The following LMTK2 variants were observed in gnomAD, a reference collection of about 807,000 sequenced individuals.
LMTK2 encodes serine/threonine-protein kinase LMTK2.
A neutral mutation model predicts 127.5 loss-of-function variants in LMTK2; 37 were observed. The observed-to-expected ratio is 0.29, with a 90% CI of 0.22 to 0.38. The LOEUF is 0.38. Ranked by LOEUF, LMTK2 falls within the 10% of genes least tolerant of loss-of-function variation. The pLI is 1.00. For synonymous variants in LMTK2, 819 were observed against 810.1 expected, an observed-to-expected ratio of 1.01 and a Z score of -0.19; for missense variants, 1,694 against 1,920.3, an observed-to-expected ratio of 0.88 and a Z score of 2.20.
Position 98,205,734 on chromosome 7 carries a change from G to C in LMTK2, c.*242G>C. 2 of 577,314 alleles carry C rather than the reference G, an allele frequency of 3.5e-6. No individual in the cohort carries two copies. Among genetic ancestry groups the C allele is most frequent in the Non-Finnish European group, 6.2e-6 (2 of 321,776 alleles). 35.8% of individuals were successfully genotyped at this position (577,314 alleles called of 1,614,324 possible). ...CTCAGTGCCCCGTGCACCCGCGGCCGCGGCCTCCCAGGCAGTGCTCATGCG... is the reference window on the plus strand; with the variant it reads ...CTCAGTGCCCCGTGCACCCGCGGCCCCGGCCTCCCAGGCAGTGCTCATGCG... On this transcript the variant is annotated 3_prime_UTR_variant, in exon 14 of 14. Coordinates refer to ENST00000297293, the MANE Select transcript of LMTK2 (RefSeq NM_014916.4).
intron 1 of LMTK2, among the ~76,000 whole-genome samples, chr7:98,130,092 C>G (rs2116346224): frequency 6.6e-6 from 1 of 152,090 alleles, no homozygotes; most frequent in East Asian, 1.9e-4. Flanking sequence ...GTTAGCGTCT[C>G]TGGGTGGTGG....
intron 13 of LMTK2, among the ~76,000 whole-genome samples, chr7:98,204,660 G>T (rs1007328237): frequency 1.3e-5 from 2 of 152,220 alleles, no homozygotes; most frequent in African/African-American, 2.4e-5. Context: ...AGCATCCTGA[G>T]TGTGCTCTCG....
intron 7 of LMTK2, among the ~76,000 whole-genome samples, chr7:98,180,353 C>T (rs1797337249): frequency 6.6e-6 from 1 of 152,166 alleles, no homozygotes; most frequent in African/African-American, 2.4e-5. Context: ...CTTCAGTTTA[C>T]AACTTAAAAC....
chr7:98,202,224 A>G (rs1043233246), intron 11 of LMTK2, among the ~76,000 whole-genome samples: 11 of 152,002 alleles, frequency 7.2e-5, no homozygotes, highest in African/African-American at 2.7e-4. Context: ...GAGCCCATCC[A>G]TTGAATTGCT....
chr7:98,205,737 GCCTCCC>G lies in LMTK2; in HGVS notation c.*246_*251del. On this transcript the variant is annotated 3_prime_UTR_variant, in exon 14 of 14. Coordinates refer to ENST00000297293, the MANE Select transcript of LMTK2 (RefSeq NM_014916.4). ...AGTGCCCCGTGCACCCGCGGCCGCG[GCCTCCC>G]AGGCAGTGCTCATGCGCTGGCCGTC... The G allele has an allele frequency of 1.7e-6, 1 of 575,122 alleles. No homozygotes were observed. The highest frequency in any genetic ancestry group is 3.1e-6 in the Non-Finnish European group (1 of 320,198). 35.6% of individuals were successfully genotyped at this position (575,122 alleles called of 1,614,324 possible).
chr7:98,171,680 T>C lies in LMTK2; in HGVS notation c.791+6T>C. ...AAGCTGCACTTCCTGCACAGGTGGG[T>C]ACCTGCGTCAGCGGTGCACGCCCCA... On this transcript the variant is annotated splice_donor_region_variant and intron_variant, in intron 7 of 13. Coordinates refer to ENST00000297293, the MANE Select transcript of LMTK2 (RefSeq NM_014916.4). This position sits in a 1 kb window ranked among gnomAD's most constrained non-coding sequence, Gnocchi z 5.1. The C allele has an allele frequency of 6.4e-7, 1 of 1,572,892 alleles. No homozygotes were observed.
chr7:98,114,864 A>G (rs1053696857), intron 1 of LMTK2, among the ~76,000 whole-genome samples: 1 of 151,704 alleles, frequency 6.6e-6, no homozygotes, highest in Admixed American at 6.6e-5. Flanking sequence ...TTTTTTTTAA[A>G]ACCTCTTTGC....
chr7:98,156,596 C>T (rs748494920), intron 5 of LMTK2, among the ~76,000 whole-genome samples: 20 of 152,104 alleles, frequency 1.3e-4, no homozygotes, highest in Non-Finnish European at 2.5e-4. Flanking sequence ...AATAGCTTGG[C>T]AGTTTCTTAA....
At chr7:98,162,110 G>A (rs113102786) in intron 6 of LMTK2, among the ~76,000 whole-genome samples, 4 of 152,108 alleles carry the variant, frequency 2.6e-5, no homozygotes, top group Non-Finnish European at 5.9e-5. Context: ...TGTCCACTCC[G>A]CTTCATGTTT....
chr7:98,152,926 A>G (rs1248268861), intron 4 of LMTK2, among the ~76,000 whole-genome samples: 1 of 152,188 alleles, frequency 6.6e-6, no homozygotes, highest in African/African-American at 2.4e-5. Flanking sequence ...AGACGAGAGC[A>G]TGCGGGTGTA....
At position 98,151,465 on chromosome 7, in the gene LMTK2, T is replaced by C. The variant is rs1246480779; in HGVS notation, c.450+10T>C. On this transcript the variant is annotated intron_variant, in intron 4 of 13. Coordinates refer to ENST00000297293, the MANE Select transcript of LMTK2 (RefSeq NM_014916.4). ...TGGCTGGTTTGGAAAGGTAAGATGC[T>C]CTTCACTTGCATTTGTTTTCCTCTG... 2.5e-6 allele frequency: 4 copies of C among 1,598,336 alleles called. No homozygotes were observed. Among genetic ancestry groups the C allele is most frequent in the Non-Finnish European group, 3.4e-6 (4 of 1,165,832 alleles).
At chr7:98,179,817 T>A (rs1009882811) in intron 7 of LMTK2, among the ~76,000 whole-genome samples, 1 of 151,692 alleles carries the variant, frequency 6.6e-6, no homozygotes, top group African/African-American at 2.4e-5. Flanking sequence ...GCACAAAGAG[T>A]GTGGCAAGTG....
chr7:98,192,917 A>C lies in LMTK2; in HGVS notation c.2452A>C (p.Thr818Pro), dbSNP rs747282713. The change falls in exon 11 of 14, where the codon ACC (threonine) becomes CCC (proline). Residue 818 changes from threonine to proline, a missense_variant. Around this residue, in one of 8 missense-constraint regions of LMTK2, gnomAD observed 527 missense variants for 539.8 expected, o/e 0.98. Transcript: ENST00000297293. ...TTCCCCGGAAGTGCAGGTACCTCCT[A>C]CCTCCTTCGAAACAGAAGAAACGCC... is the stretch of plus-strand genomic sequence containing the variant. ...QSSPEVQVPP[T>P]SFETEETPRR... 5.0e-6 allele frequency: 8 copies of C among 1,614,010 alleles called. No homozygotes were observed. Among genetic ancestry groups the C allele is most frequent in the South Asian group, 1.1e-5 (1 of 91,080 alleles).
chr7:98,162,431 GAC>G (rs1797029719), intron 6 of LMTK2, among the ~76,000 whole-genome samples: 1 of 152,144 alleles, frequency 6.6e-6, no homozygotes, highest in African/African-American at 2.4e-5. Context: ...CAAATACTTA[GAC>G]TAAGTATTCA....
chr7:98,194,252 G>A lies in LMTK2; in HGVS notation c.3787G>A (p.Gly1263Arg), dbSNP rs1797590548. ...GPKLKEPDIE[G>R]KYLGKLGVSG... The stretch of plus-strand genomic sequence containing the variant: ...GAAGTTGAAGGAGCCGGACATCGAA[G>A]GGAAGTACCTGGGGAAACTCGGGGT... Residue 1263 changes from glycine (G) to arginine (R), a missense_variant, in exon 11 of 14, where the codon GGG (glycine) becomes AGG (arginine). Physicochemically the swap from Gly to Arg is moderately radical, Grantham distance 125. Transcript: ENST00000297293. The surrounding 1 kb of genome is among the most constrained non-coding windows in gnomAD (Gnocchi z 5.4). 1 of 1,614,032 alleles carries A rather than the reference G, an allele frequency of 6.2e-7. No homozygotes were observed. Among genetic ancestry groups the A allele is most frequent in the Non-Finnish European group, 8.5e-7 (1 of 1,180,036 alleles).
intron 3 of LMTK2, among the ~76,000 whole-genome samples, chr7:98,144,502 A>G (rs983070382): frequency 6.6e-6 from 1 of 151,614 alleles, no homozygotes; most frequent in African/African-American, 2.4e-5. Context: ...AATGTGACCT[A>G]TTTTCCACTG....
At chr7:98,121,837 C>CA (rs1016613062) in intron 1 of LMTK2, among the ~76,000 whole-genome samples, 35 of 151,652 alleles carry the variant, frequency 2.3e-4, no homozygotes, top group African/African-American at 7.3e-4. Context: ...CTCGACGCTA[C>CA]AAAAATTTTT....
chr7:98,107,206 G>GGCTGCT lies in LMTK2; in HGVS notation c.43_48dup (p.Leu15_Leu16dup), dbSNP rs146333850. On this transcript the variant is annotated inframe_insertion, in exon 1 of 14. Coordinates refer to ENST00000297293, the MANE Select transcript of LMTK2 (RefSeq NM_014916.4). The stretch of plus-strand genomic sequence containing the variant: ...CCGGGGCCGCCGGCGTTGCGGCGGA[G>GGCTGCT]GCTGCTGCTGCTGCTGCTGGTCCTC... The GGCTGCT allele has an allele frequency of 3.4e-5, 49 of 1,455,868 alleles. No homozygotes were observed. Among genetic ancestry groups the GGCTGCT allele is most frequent in the Middle Eastern group, 2.4e-4 (1 of 4,190 alleles). The allele number at this position is 1,455,868 out of a possible 1,614,324, so 90.2% of individuals were successfully genotyped here. A position where few individuals can be genotyped will look rare whatever the true frequency, so the allele number is the denominator to read the frequency against.
chr7:98,193,890 C>G lies in LMTK2; in HGVS notation c.3425C>G (p.Pro1142Arg). The change falls in exon 11 of 14, where the codon CCC (proline) becomes CGC (arginine). Residue 1142 changes from proline (P) to arginine (R), a missense_variant. By Grantham distance (103) the Pro-to-Arg change is moderately radical (BLOSUM62 -2). Transcript: ENST00000297293. This position sits in a 1 kb window ranked among gnomAD's most constrained non-coding sequence, Gnocchi z 4.1. ...QEQPLPEPVL[P>R]EQSPAAQDSC... ...CAGCCCCTACCCGAGCCAGTCCTCC[C>G]CGAGCAAAGTCCTGCTGCCCAGGAT... The G allele has an allele frequency of 4.3e-6, 7 of 1,614,122 alleles. No homozygotes were observed. The highest frequency in any genetic ancestry group is 5.9e-6 in the Non-Finnish European group (7 of 1,180,032).
Sources: gnomAD v4.1 joint callset for allele counts (sites outside exome capture counted in the v4.1 genomes callset) on GRCh38, gnomAD v4.1.1 for gene constraint, gnomAD v4.1.1 regional missense constraint, Gnocchi (gnomAD v3.1) non-coding constraint, MANE v1.5 for transcripts, NCBI Gene and HGNC (gene_info 2026-07-23, HGNC 2026-07-21) for gene names.